The following ANKRD45 variants were observed in gnomAD, a reference collection of about 807,000 sequenced individuals.
ANKRD45 encodes the protein ankyrin repeat domain 45, also known as ankyrin repeat domain-containing protein 45.
A neutral mutation model predicts 28.1 loss-of-function variants in ANKRD45; 21 were observed. The observed-to-expected ratio is 0.75, with a 90% CI of 0.53 to 1.08. The LOEUF (loss-of-function observed/expected upper bound fraction) is 1.08. ANKRD45 is among the 50% of genes least tolerant of loss of function. The probability of loss-of-function intolerance (pLI) is 0.00; values close to 1 mark genes in which losing one functional copy is unlikely to be tolerated. For synonymous variants in ANKRD45, 86 were observed against 103.9 expected, an observed-to-expected ratio of 0.83 and a Z score of 1.05; for missense variants, 261 against 308.7, an observed-to-expected ratio of 0.85 and a Z score of 1.16.
the ANKRD45 span, among the ~76,000 whole-genome samples, chr1:173,699,831 C>A: frequency 6.6e-6 from 1 of 152,026 alleles, no homozygotes; most frequent in Admixed American, 6.6e-5. Context: ...GGCAATCAGG[C>A]AAGAGAAAGA....
intron 5 of ANKRD45, among the ~76,000 whole-genome samples, chr1:173,619,942 C>T (rs1667629473): frequency 6.6e-6 from 1 of 152,068 alleles, no homozygotes. Context: ...CAGGAGCACC[C>T]AGATTCATAA....
At chr1:173,671,776 G>T (rs1464420999), upstream of ANKRD45, among the ~76,000 whole-genome samples, 1 of 151,794 alleles carries the variant, frequency 6.6e-6, no homozygotes, top group East Asian at 1.9e-4. Context: ...CAGCTCCTTG[G>T]GAGGATGAGG....
chr1:173,637,886 G>C (rs1668524228), intron 3 of ANKRD45, among the ~76,000 whole-genome samples: 1 of 152,176 alleles, frequency 6.6e-6, no homozygotes, highest in Non-Finnish European at 1.5e-5. Context: ...CTCTCTCATG[G>C]GGAGGTGCCC....
intron 2 of ANKRD45, among the ~76,000 whole-genome samples, chr1:173,651,147 T>C (rs185855058): frequency 6.6e-6 from 1 of 152,212 alleles, no homozygotes; most frequent in Non-Finnish European, 1.5e-5. Context: ...TTTTGGTGTT[T>C]TAGTCATGAA....
At chr1:173,656,086 T>C (rs2102380780) in intron 2 of ANKRD45, among the ~76,000 whole-genome samples, 1 of 152,294 alleles carries the variant, frequency 6.6e-6, no homozygotes, top group South Asian at 2.1e-4. Context: ...CTGCCCTGCT[T>C]TGGCTCACCC....
chr1:173,643,720 A>G (rs1668802405), intron 3 of ANKRD45, among the ~76,000 whole-genome samples: 1 of 152,166 alleles, frequency 6.6e-6, no homozygotes. Flanking sequence ...ACTGGGACAG[A>G]AGATTTGACT....
the ANKRD45 span, chr1:173,715,013 G>A: frequency 6.5e-6 from 1 of 153,202 alleles, no homozygotes; most frequent in African/African-American, 2.4e-5. Flanking sequence ...TGGAGGAGGA[G>A]GCAGAGAGGA....
intron 3 of ANKRD45, among the ~76,000 whole-genome samples, chr1:173,632,245 T>G (rs563029833): frequency 3.9e-4 from 59 of 151,964 alleles, no homozygotes; most frequent in South Asian, 1.5e-3. Flanking sequence ...TTAAGATAAA[T>G]GGATAAAGTT....
chr1:173,685,047 G>A, the ANKRD45 span, among the ~76,000 whole-genome samples: 4 of 152,128 alleles, frequency 2.6e-5, no homozygotes, highest in African/African-American at 9.7e-5. Context: ...CTTGCTTTAC[G>A]ATGTTTTATT....
the ANKRD45 span, among the ~76,000 whole-genome samples, chr1:173,680,849 T>G: frequency 2.0e-5 from 3 of 151,638 alleles, no homozygotes; most frequent in African/African-American, 7.3e-5. Flanking sequence ...ACCATCATTC[T>G]CAGCTAACAC....
chr1:173,635,575 C>A (rs755080870), intron 3 of ANKRD45: 1 of 1,534,936 alleles, frequency 6.5e-7, no homozygotes, highest in Non-Finnish European at 8.7e-7. Context: ...TCTGCTTCTT[C>A]GGGGAGAGTT....
chr1:173,615,826 G>C (rs766286475), intron 5 of ANKRD45, among the ~76,000 whole-genome samples: 1 of 152,090 alleles, frequency 6.6e-6, no homozygotes, highest in East Asian at 1.9e-4. Context: ...AATTTGGGCC[G>C]GGCACGGTGG....
chr1:173,689,388 T>C, the ANKRD45 span, among the ~76,000 whole-genome samples: 2 of 152,204 alleles, frequency 1.3e-5, no homozygotes, highest in African/African-American at 4.8e-5. Context: ...TGGAGCCATC[T>C]GTTGGAAGGT....
the ANKRD45 span, among the ~76,000 whole-genome samples, chr1:173,682,501 C>T: frequency 6.6e-6 from 1 of 151,942 alleles, no homozygotes; most frequent in Non-Finnish European, 1.5e-5. Flanking sequence ...TAAGGAACTC[C>T]AGGCTATCAT....
At position 173,659,235 on chromosome 1, in the gene ANKRD45, G is replaced by A. The variant is rs770574007; in HGVS notation, c.184C>T (p.His62Tyr). The A allele has an allele frequency of 1.2e-6, 2 of 1,614,122 alleles. No homozygotes were observed. The highest frequency in any genetic ancestry group is 2.2e-5 in the South Asian group (2 of 91,080). The change falls in exon 2 of 6, where the codon CAT becomes TAT. Residue 62 changes from histidine to tyrosine, a missense_variant. Transcript: ENST00000333279. ...AGAAGCTGCATGGCCTGTTCATGAT[G>A]AGGATTCTCAGGATCCTCAAATATC... ...QKIFEDPENP[H>Y]HEQAMQLLLE...
chr1:173,614,940 C>T (rs1667395392), intron 5 of ANKRD45, among the ~76,000 whole-genome samples: 1 of 152,086 alleles, frequency 6.6e-6, no homozygotes, highest in African/African-American at 2.4e-5. Context: ...TCTCAGCCTC[C>T]TGAGCAGCTG....
the ANKRD45 span, among the ~76,000 whole-genome samples, chr1:173,688,958 T>C: frequency 2.0e-5 from 3 of 151,580 alleles, no homozygotes; most frequent in Non-Finnish European, 4.4e-5. Flanking sequence ...AGACGGGGGG[T>C]TGGGGGGAAC....
chr1:173,702,414 C>T, the ANKRD45 span, among the ~76,000 whole-genome samples: 1 of 152,008 alleles, frequency 6.6e-6, no homozygotes, highest in Admixed American at 6.6e-5. Flanking sequence ...TAGCTAAAAC[C>T]TTCAAAGAGG....
chr1:173,627,033 C>G (rs1329994813), intron 4 of ANKRD45, 32 bp downstream of exon 4: 1 of 1,498,712 alleles, frequency 6.7e-7, no homozygotes, highest in Non-Finnish European at 9.2e-7. Flanking sequence ...TCTCAAAACA[C>G]TACAGAACAA....
Sources: allele counts gnomAD v4.1 joint callset (sites outside exome capture counted in the v4.1 genomes callset), GRCh38; gene constraint gnomAD v4.1.1; transcripts MANE v1.5; gene names NCBI Gene and HGNC (gene_info 2026-07-23, HGNC 2026-07-21).